The following NSD1 variants were observed in gnomAD, a reference collection of about 807,000 sequenced individuals.
The protein encoded by NSD1 is nuclear receptor binding SET domain protein 1.
In NSD1, 26 loss-of-function variants were observed where a neutral mutation model predicts 242.7. The ratio of observed to expected loss-of-function variants is 0.11; its 90% CI spans 0.08 to 0.15. The LOEUF is 0.15. NSD1 is among the 10% of genes least tolerant of loss of function. The pLI is 1.00. For synonymous variants in NSD1, 1,106 were observed against 1,178.1 expected (o/e 0.94, Z 1.25); for missense variants, 2,495 against 3,272.8 (o/e 0.76, Z 5.80).
At chr5:177,147,111 C>G (rs1264225004) in intron 2 of NSD1, among the ~76,000 whole-genome samples, 1 of 152,166 alleles carries the variant, frequency 6.6e-6, no homozygotes, top group Non-Finnish European at 1.5e-5. Flanking sequence ...AACCTTCCAT[C>G]TCTTTTTCGT....
intron 21 of NSD1, among the ~76,000 whole-genome samples, chr5:177,291,578 A>G (rs1031081781): frequency 6.6e-6 from 1 of 152,176 alleles, no homozygotes; most frequent in African/African-American, 2.4e-5. Flanking sequence ...GCTTGAACCC[A>G]GCAGGCGGAG....
chr5:177,206,047 C>T (rs1490587421), intron 4 of NSD1, among the ~76,000 whole-genome samples: 2 of 151,998 alleles, frequency 1.3e-5, no homozygotes, highest in South Asian at 2.1e-4. Context: ...TCACCCAGGC[C>T]GGAGTACAAT....
rs570280373 is a variant in NSD1, at chr5:177,255,573, T to C, written c.4766-1378T>C. 5.3e-5 allele frequency among the ~76,000 whole-genome samples: 8 copies of C among 152,164 alleles called. No individual in the cohort carries two copies. In the South Asian group the frequency reaches 1.7e-3, roughly 32 times the overall value. ...GAGGTCTGTGGTTTTTGTTTTGTTT[T>C]GTTTTTTTGTTTTTTTGTTTTGTTT... is the stretch of plus-strand genomic sequence containing the variant. On this transcript the variant is annotated intron_variant, in intron 12 of 22. Transcript: ENST00000439151.
At position 177,288,654 on chromosome 5, in the gene NSD1, C is replaced by G. The variant is rs886657453; in HGVS notation, c.6152-165C>G. On this transcript the variant is annotated intron_variant, in intron 20 of 22. Coordinates refer to ENST00000439151, the MANE Select transcript of NSD1 (RefSeq NM_022455.5). ...AGTTTTCTCTGTTAAATTGTATTAC[C>G]TGATTATTAATGTTATAAGATTAGA... 2.3e-5 allele frequency: 14 copies of G among 600,212 alleles called. No homozygotes were observed. The East Asian group carries it at 4.1e-4, about 17-fold the overall frequency. 37.2% of individuals were successfully genotyped at this position (600,212 alleles called of 1,614,324 possible). A position where few individuals can be genotyped will look rare whatever the true frequency, so the allele number is the denominator to read the frequency against.
At chr5:177,266,027 A>C in intron 14 of NSD1, 2 of 1,045,600 alleles carry the variant, frequency 1.9e-6, no homozygotes, top group Non-Finnish European at 3.0e-6. Flanking sequence ...AGATATATCG[A>C]AGCCATAAAC....
intron 6 of NSD1, among the ~76,000 whole-genome samples, chr5:177,237,858 G>A (rs532998394): frequency 3.9e-5 from 6 of 152,076 alleles, no homozygotes; most frequent in African/African-American, 1.4e-4. Flanking sequence ...TAAGTGTACA[G>A]TTCAGTAGCA....
At chr5:177,136,993 T>C (rs1756394246) in intron 2 of NSD1, 2 of 663,638 alleles carry the variant, frequency 3.0e-6, no homozygotes, top group South Asian at 1.6e-5. Flanking sequence ...ATGTGTGATA[T>C]GTATATATTC....
intron 2 of NSD1, among the ~76,000 whole-genome samples, chr5:177,184,725 G>T (rs577795062): frequency 6.6e-6 from 1 of 151,996 alleles, no homozygotes; most frequent in Non-Finnish European, 1.5e-5. Context: ...GTGTGTGCAC[G>T]CAAGGATGGG....
chr5:177,183,807 A>G (rs1385574582), intron 2 of NSD1, among the ~76,000 whole-genome samples: 1 of 152,020 alleles, frequency 6.6e-6, no homozygotes, highest in Non-Finnish European at 1.5e-5. Context: ...CCTAGCTTCT[A>G]GTAACCATTT....
chr5:177,148,041 G>A (rs1463044424), intron 2 of NSD1, among the ~76,000 whole-genome samples: 1 of 152,008 alleles, frequency 6.6e-6, no homozygotes, highest in Non-Finnish European at 1.5e-5. Flanking sequence ...ATGGGGTTTT[G>A]TGTGACTGTA....
chr5:177,295,094 C>G lies in NSD1; in HGVS notation c.7726C>G (p.Leu2576Val). The change falls in exon 23 of 23, where the codon CTG becomes GTG. Residue 2576 changes from leucine (L) to valine (V), a missense_variant. Around this residue, in one of 19 missense-constraint regions of NSD1, gnomAD observed 475 missense variants for 563.7 expected, o/e 0.84. Coordinates refer to ENST00000439151, the MANE Select transcript of NSD1 (RefSeq NM_022455.5). This position sits in a 1 kb window ranked among gnomAD's most constrained non-coding sequence, Gnocchi z 4.3. ...AGGGCCTCTTAGCCAATCCCCGGGC[C>G]TGGTGAAGCAGGCGAAGCAGATGGT... ...TPGPLSQSPGLVKQAKQMVGG... is the reference protein window; with the variant it reads ...TPGPLSQSPGVVKQAKQMVGG... The G allele has an allele frequency of 1.2e-6, 2 of 1,611,702 alleles. No homozygotes were observed. The highest frequency in any genetic ancestry group is 2.7e-5 in the African/African-American group (2 of 74,916).
intron 5 of NSD1, among the ~76,000 whole-genome samples, chr5:177,234,966 T>G (rs1246414350): frequency 6.6e-6 from 1 of 152,252 alleles, no homozygotes; most frequent in African/African-American, 2.4e-5. Context: ...TTGTTATTAC[T>G]GTTTTTTTAT....
chr5:177,164,519 C>T (rs1182654922), intron 2 of NSD1, among the ~76,000 whole-genome samples: 4 of 152,130 alleles, frequency 2.6e-5, no homozygotes, highest in African/African-American at 9.6e-5. Flanking sequence ...GAGTTGTAAT[C>T]GTTTATTAAC....
In NSD1 at chr5:177,298,014, G is replaced by A. The variant is rs1040565632; in HGVS notation, c.*2555G>A. The stretch of plus-strand genomic sequence containing the variant: ...AAACCACTGGAAACTAGAAATTTGA[G>A]CTATTGGGCCCACCAGTAGCAGCAT... On this transcript the variant is annotated 3_prime_UTR_variant, in exon 23 of 23. Transcript: ENST00000439151. 4.3e-6 allele frequency: 1 copy of A among 232,746 alleles called. No homozygotes were observed. Among genetic ancestry groups the A allele is most frequent in the Non-Finnish European group, 8.5e-6 (1 of 117,972 alleles). 14.4% of individuals were successfully genotyped at this position (232,746 alleles called of 1,614,324 possible). A position where few individuals can be genotyped will look rare whatever the true frequency, so the allele number is the denominator to read the frequency against.
rs1390207015 is a variant in NSD1 at position 177,239,645 on chromosome 5, G to A, written c.4193-111G>A. 1.8e-5 allele frequency: 12 copies of A among 671,348 alleles called. No homozygotes were observed. The East Asian group carries it at 2.2e-4, about 12-fold the overall frequency. 41.6% of individuals were successfully genotyped at this position (671,348 alleles called of 1,614,324 possible). A position where few individuals can be genotyped will look rare whatever the true frequency, so the allele number is the denominator to read the frequency against. On this transcript the variant is annotated intron_variant, in intron 7 of 22. Transcript: ENST00000439151. ...ATCCTGCCTCTTCCCATAAGATGACGGGGAAAACATCAAAAACATTGAGAT... is the reference window on the plus strand; with the variant it reads ...ATCCTGCCTCTTCCCATAAGATGACAGGGAAAACATCAAAAACATTGAGAT...
chr5:177,282,395 A>T lies in NSD1; in HGVS notation c.5893-70A>T, dbSNP rs73806747. 1.6e-3 allele frequency: 1,517 copies of T among 960,112 alleles called. 4 individuals are homozygous for T. The highest frequency in any genetic ancestry group is 4.9e-3 in the South Asian group (377 of 77,682). 59.5% of individuals were successfully genotyped at this position (960,112 alleles called of 1,614,324 possible). On this transcript the variant is annotated intron_variant, in intron 18 of 22. Transcript: ENST00000439151. ...AATGTGATGTTTTCATTAATTTTTT[A>T]AAAAAATGTATACATTTGGATACCA...
chr5:177,247,939 G>C, intron 10 of NSD1: 1 of 985,406 alleles, frequency 1.0e-6, no homozygotes, highest in Non-Finnish European at 1.2e-6. Flanking sequence ...CCTTAAAATG[G>C]AACAGCTCAG....
chr5:177,186,046 TATATA>T (rs1279928899), intron 2 of NSD1, among the ~76,000 whole-genome samples: 21 of 106,584 alleles, frequency 2.0e-4, no homozygotes, highest in Admixed American at 7.3e-4. Flanking sequence ...ATATATATAA[TATATA>T]ATATAACATA....
intron 2 of NSD1, among the ~76,000 whole-genome samples, chr5:177,183,178 C>T (rs1460881766): frequency 6.6e-6 from 1 of 151,978 alleles, no homozygotes; most frequent in South Asian, 2.1e-4. Context: ...TATATTTTTT[C>T]CCCCAAATTT....
Sources: gnomAD v4.1 joint callset for allele counts (sites outside exome capture counted in the v4.1 genomes callset) on GRCh38, gnomAD v4.1.1 for gene constraint, gnomAD v4.1.1 regional missense constraint, Gnocchi (gnomAD v3.1) non-coding constraint, MANE v1.5 for transcripts, NCBI Gene and HGNC (gene_info 2026-07-23, HGNC 2026-07-21) for gene names.